ERCC6: variants seen among roughly 807,000 people sequenced by gnomAD.
ERCC6 encodes DNA excision repair protein ERCC-6.
A neutral mutation model predicts 158.7 loss-of-function variants in ERCC6; 116 were observed. The observed-to-expected ratio is 0.73, with a 90% CI of 0.63 to 0.85. ERCC6 has a LOEUF of 0.85. ERCC6 is among the 40% of genes least tolerant of loss of function. ERCC6 has a pLI of 0.00. For missense variants in ERCC6, 1,698 were observed against 1,799.4 expected (o/e 0.94, Z 1.02); for synonymous variants, 678 against 659.3 (o/e 1.03, Z -0.43).
chr10:49,477,536 A>T (rs1265667526), intron 11 of ERCC6, among the ~76,000 whole-genome samples: 1 of 152,160 alleles, frequency 6.6e-6, no homozygotes, highest in Admixed American at 6.5e-5. Flanking sequence ...GGCATCACTC[A>T]TGACTTCCTA....
At chr10:49,494,735 A>T (rs905276933) in intron 7 of ERCC6, among the ~76,000 whole-genome samples, 26 of 152,300 alleles carry the variant, frequency 1.7e-4, no homozygotes, top group African/African-American at 6.3e-4. Flanking sequence ...GAAAAATTAC[A>T]TTCTGGGTTG....
At chr10:49,443,780 G>A in the ERCC6 span, among the ~76,000 whole-genome samples, 1 of 152,192 alleles carries the variant, frequency 6.6e-6, no homozygotes, top group East Asian at 1.9e-4. Flanking sequence ...ACAGTCACAT[G>A]CTGTACAGGT....
the ERCC6 span, among the ~76,000 whole-genome samples, chr10:49,436,585 A>G: frequency 1.3e-5 from 2 of 152,230 alleles, no homozygotes; most frequent in East Asian, 3.8e-4. Flanking sequence ...AATCAAATAA[A>G]GGTCAGAATG....
At chr10:49,530,996 A>T (rs986660121) in intron 2 of ERCC6, among the ~76,000 whole-genome samples, 156 bp from the exon 3 acceptor site, 2 of 152,246 alleles carry the variant, frequency 1.3e-5, no homozygotes, top group African/African-American at 4.8e-5. Context: ...GGCCACAAAT[A>T]AAACTTGTAG....
At position 49,534,143 on chromosome 10, in the gene ERCC6, A is replaced by AC. The variant is rs532475692; in HGVS notation, c.-14-1166_-14-1165insG. On this transcript the variant is annotated intron_variant, in intron 1 of 20. Transcript: ENST00000355832. ...AGTGAGACTCAATCTCAAAAAAAAAAAAAAAAAAAAACAAAAAAAAAACTC... is the reference window on the plus strand; with the variant it reads ...AGTGAGACTCAATCTCAAAAAAAAAACAAAAAAAAAAACAAAAAAAAAACTC... 2.6e-4 allele frequency among the ~76,000 whole-genome samples: 39 copies of AC among 148,480 alleles called. 1 individual carries two copies. Among genetic ancestry groups the AC allele is most frequent in the Admixed American group, 9.4e-4 (14 of 14,870 alleles).
chr10:49,501,552 A>C (rs1851354931), intron 6 of ERCC6: 2 of 152,204 alleles, frequency 1.3e-5, no homozygotes, highest in African/African-American at 4.8e-5. Flanking sequence ...AAGTTAAAAA[A>C]GGAAAAATAC....
chr10:49,491,183 T>A (rs1271206717), intron 8 of ERCC6, among the ~76,000 whole-genome samples: 6 of 152,234 alleles, frequency 3.9e-5, no homozygotes, highest in African/African-American at 1.4e-4. Flanking sequence ...ATTTCCAATG[T>A]GTCGTCACCA....
At chr10:49,528,280 TA>T in intron 4 of ERCC6, 136 bp downstream of exon 4, 3 of 1,023,674 alleles carry the variant, frequency 2.9e-6, no homozygotes, top group Non-Finnish European at 4.5e-6. Flanking sequence ...AAAATTTTCC[TA>T]AATCTGTTTT....
At chr10:49,484,013 T>C (rs899708007) in intron 8 of ERCC6, among the ~76,000 whole-genome samples, 1 of 151,980 alleles carries the variant, frequency 6.6e-6, no homozygotes, top group African/African-American at 2.4e-5. Context: ...GTACAGTGGC[T>C]CACAACTGTA....
intron 5 of ERCC6, chr10:49,516,227 C>T: frequency 6.2e-7 from 1 of 1,614,192 alleles, no homozygotes; most frequent in Non-Finnish European, 8.5e-7. Flanking sequence ...CACACCAAAA[C>T]TTATAGCCAA....
chr10:49,443,900 G>A, the ERCC6 span, among the ~76,000 whole-genome samples: 4 of 152,170 alleles, frequency 2.6e-5, no homozygotes, highest in Admixed American at 1.3e-4. Context: ...TGCTCAGAAC[G>A]TGTCCTCATA....
rs1313713726 is a variant in ERCC6, at chr10:49,524,587, C to T, written c.843G>A (p.Leu281=). 1.9e-6 allele frequency: 3 copies of T among 1,614,096 alleles called. No individual in the cohort carries two copies. The East Asian group carries it at 6.7e-5, about 36-fold the overall frequency. ...AACCTTGCTTCTTCCTTTCAAAAGA[C>T]AGTTTTGCTTGATCTGCCAAATACT... ...FEKYLADQAK[L]SFERKKQGCN... The change falls in exon 5 of 21, where the codon CTG becomes CTA. Residue 281 remains leucine, a synonymous_variant. Coordinates refer to ENST00000355832, the MANE Select transcript of ERCC6 (RefSeq NM_000124.4).
rs1470716940 is a variant in ERCC6, at chr10:49,472,932, A to G, written c.2806T>C (p.Trp936Arg). 6.2e-7 allele frequency: 1 copy of G among 1,614,084 alleles called. No homozygotes were observed. The highest frequency in any genetic ancestry group is 8.5e-7 in the Non-Finnish European group (1 of 1,179,984). Reference sequence around the variant, plus strand: ...ACCTGCGTGTCCGTGCTTGGGTTCCAGTCTGGGTCATAGATGACAACTCTG... The same window carrying G: ...ACCTGCGTGTCCGTGCTTGGGTTCCGGTCTGGGTCATAGATGACAACTCTG... Reference protein sequence around the residue: ...ANRVVIYDPDWNPSTDTQARE... With the variant: ...ANRVVIYDPDRNPSTDTQARE... Residue 936 changes from tryptophan (W) to arginine (R), a missense_variant, in exon 15 of 21, where the codon TGG becomes CGG. Coordinates refer to ENST00000355832, the MANE Select transcript of ERCC6 (RefSeq NM_000124.4).
Position 49,521,613 on chromosome 10 carries a change from T to C in ERCC6, c.1397+2420A>G, listed in dbSNP as rs527631227. Among the ~76,000 whole-genome samples, 4 of 152,312 alleles carry C rather than the reference T, an allele frequency of 2.6e-5. No individual in the cohort carries two copies. The South Asian group carries it at 8.3e-4, about 32-fold the overall frequency. ...CGACAGAACATTTACTTCTAAGCAG[T>C]GGCTCATCCATCCTGTATGACATGA... On this transcript the variant is annotated intron_variant, in intron 5 of 20. Coordinates refer to ENST00000355832, the MANE Select transcript of ERCC6 (RefSeq NM_000124.4).
the ERCC6 span, among the ~76,000 whole-genome samples, chr10:49,443,283 TGAA>T: frequency 6.6e-6 from 1 of 152,160 alleles, no homozygotes; most frequent in African/African-American, 2.4e-5. Context: ...TGTCATTAGA[TGAA>T]GACAAAATTC....
chr10:49,483,578 G>A, intron 8 of ERCC6, 62 bp from the exon 9 acceptor site: 1 of 1,495,484 alleles, frequency 6.7e-7, no homozygotes, highest in Non-Finnish European at 9.3e-7. Context: ...TTTCAATCAT[G>A]ACACAATCTA....
chr10:49,538,619 G>A (rs1351646760), intron 1 of ERCC6, among the ~76,000 whole-genome samples: 1 of 152,144 alleles, frequency 6.6e-6, no homozygotes, highest in Non-Finnish European at 1.5e-5. Flanking sequence ...CATCTAGCCC[G>A]ACTCTCTTTA....
chr10:49,516,249 T>G, intron 5 of ERCC6: 10 of 1,614,164 alleles, frequency 6.2e-6, no homozygotes, highest in Non-Finnish European at 7.6e-6. Context: ...CCGAATGGGC[T>G]TTCCCCGAAT....
In ERCC6 at chr10:49,476,282, T is replaced by C; in HGVS notation, c.2315A>G (p.Gln772Arg). 1 of 1,613,798 alleles carries C rather than the reference T, an allele frequency of 6.2e-7. No homozygotes were observed. Among genetic ancestry groups the C allele is most frequent in the Non-Finnish European group, 8.5e-7 (1 of 1,179,880 alleles). The change falls in exon 12 of 21, where the codon CAG becomes CGG. Residue 772 changes from glutamine (Q) to arginine (R), a missense_variant. Gln to Arg is a conservative substitution (Grantham distance 43, BLOSUM62 1). Coordinates refer to ENST00000355832, the MANE Select transcript of ERCC6 (RefSeq NM_000124.4). ...QVLFCRLTDE[Q>R]HKVYQNFVDS... ...AACGAAATTTTGGTAGACTTTATGC[T>C]GCTCATCTGTAAGACGGCAAAATAA... is the stretch of plus-strand genomic sequence containing the variant.
Sources: gnomAD v4.1 joint callset for allele counts (sites outside exome capture counted in the v4.1 genomes callset) on GRCh38, gnomAD v4.1.1 for gene constraint, MANE v1.5 for transcripts, NCBI Gene and HGNC (gene_info 2026-07-23, HGNC 2026-07-21) for gene names.